IMMP2L: variants seen among roughly 807,000 people sequenced by gnomAD.
IMMP2L encodes the protein mitochondrial inner membrane protease subunit 2.
A neutral mutation model predicts 19.3 loss-of-function variants in IMMP2L; 18 were observed. The observed-to-expected ratio is 0.93, with a 90% confidence interval of 0.64 to 1.38. The LOEUF (loss-of-function observed/expected upper bound fraction) is 1.38. IMMP2L is among the 40% of genes most tolerant of loss of function. The pLI, the probability that IMMP2L is intolerant of heterozygous loss-of-function variation, is 0.00. For missense variants in IMMP2L, 233 were observed against 218.2 expected, an observed-to-expected ratio of 1.07 and a Z score of -0.43; for synonymous variants, 76 against 73.0, an observed-to-expected ratio of 1.04 and a Z score of -0.21.
intron 3 of IMMP2L, among the ~76,000 whole-genome samples, chr7:111,063,798 T>C (rs912332830): frequency 2.6e-5 from 4 of 152,112 alleles, no homozygotes; most frequent in South Asian, 2.1e-4. Context: ...TCCCAACAAG[T>C]TCCTCATCTC....
intron 3 of IMMP2L, among the ~76,000 whole-genome samples, chr7:111,204,274 A>G (rs2129616632): frequency 6.6e-6 from 1 of 152,250 alleles, no homozygotes; most frequent in Admixed American, 6.5e-5. Flanking sequence ...TACCTTTAAA[A>G]TGCAATTTGG....
chr7:110,819,086 G>A (rs1802799970), intron 5 of IMMP2L, among the ~76,000 whole-genome samples: 1 of 151,582 alleles, frequency 6.6e-6, no homozygotes, highest in Non-Finnish European at 1.5e-5. Flanking sequence ...TTGTGCATAT[G>A]TACCCTAAAA....
intron 3 of IMMP2L, among the ~76,000 whole-genome samples, chr7:111,291,415 C>T (rs1371201736): frequency 6.6e-6 from 1 of 152,136 alleles, no homozygotes; most frequent in Non-Finnish European, 1.5e-5. Flanking sequence ...CATTAAAATA[C>T]CTACCATCCA....
chr7:111,531,110 C>T (rs941174870), intron 1 of IMMP2L, among the ~76,000 whole-genome samples: 5 of 151,814 alleles, frequency 3.3e-5, no homozygotes, highest in African/African-American at 1.2e-4. Flanking sequence ...CACCACCACG[C>T]CCGGCTAATT....
intron 2 of IMMP2L, among the ~76,000 whole-genome samples, chr7:111,519,345 A>G (rs1051816364): frequency 6.6e-6 from 1 of 152,102 alleles, no homozygotes; most frequent in Non-Finnish European, 1.5e-5. Flanking sequence ...TTGTGTGTAT[A>G]TAATAAGCCT....
At chr7:111,414,723 A>G (rs778381914) in intron 3 of IMMP2L, among the ~76,000 whole-genome samples, 33 of 151,908 alleles carry the variant, frequency 2.2e-4, no homozygotes, top group Non-Finnish European at 3.8e-4. Flanking sequence ...ACATTAATGT[A>G]AGACTATCAT....
intron 3 of IMMP2L, among the ~76,000 whole-genome samples, chr7:111,002,759 C>T (rs527747589): frequency 6.6e-6 from 1 of 152,300 alleles, no homozygotes; most frequent in South Asian, 2.1e-4. Context: ...CATCCTGACT[C>T]TGGAAATCAT....
chr7:111,083,425 T>C (rs1246225040), intron 3 of IMMP2L, among the ~76,000 whole-genome samples: 1 of 152,190 alleles, frequency 6.6e-6, no homozygotes, highest in East Asian at 1.9e-4. Flanking sequence ...TATAGCTAAA[T>C]TGTTAGTCTT....
intron 3 of IMMP2L, among the ~76,000 whole-genome samples, chr7:111,152,167 T>C (rs910443627): frequency 1.3e-5 from 2 of 152,168 alleles, no homozygotes; most frequent in African/African-American, 4.8e-5. Flanking sequence ...GGTATTTTAC[T>C]AGACTCTTCA....
intron 5 of IMMP2L, among the ~76,000 whole-genome samples, chr7:110,878,625 G>C (rs901089968): frequency 6.6e-6 from 1 of 151,562 alleles, no homozygotes; most frequent in African/African-American, 2.4e-5. Context: ...ATTCACTGTT[G>C]TCAATAGAAT....
At chr7:110,732,325 G>A (rs773681606) in intron 5 of IMMP2L, among the ~76,000 whole-genome samples, 1 of 152,138 alleles carries the variant, frequency 6.6e-6, no homozygotes, top group Admixed American at 6.5e-5. Context: ...GTAATAGCTA[G>A]CTGCTTTCAA....
intron 3 of IMMP2L, among the ~76,000 whole-genome samples, chr7:111,206,933 A>C (rs903009297): frequency 1.3e-5 from 2 of 152,218 alleles, no homozygotes; most frequent in Admixed American, 1.3e-4. Context: ...ATTTCAAATA[A>C]GTGGATAAAA....
intron 5 of IMMP2L, among the ~76,000 whole-genome samples, chr7:110,676,817 T>C: frequency 6.6e-6 from 1 of 152,174 alleles, no homozygotes; most frequent in East Asian, 1.9e-4. Flanking sequence ...TTCCTGGTAC[T>C]GCACTGACAA....
At chr7:111,418,735 T>C (rs1835184058) in intron 3 of IMMP2L, among the ~76,000 whole-genome samples, 1 of 151,620 alleles carries the variant, frequency 6.6e-6, no homozygotes. Flanking sequence ...TTTAAGAAAA[T>C]AAAAAATACA....
chr7:111,542,604 A>G (rs532720357), intron 1 of IMMP2L, among the ~76,000 whole-genome samples: 7 of 152,202 alleles, frequency 4.6e-5, no homozygotes, highest in African/African-American at 1.7e-4. Flanking sequence ...CAACACTCCC[A>G]ATAAAACACA....
At chr7:111,127,047 C>A (rs1006244326) in intron 3 of IMMP2L, among the ~76,000 whole-genome samples, 25 of 152,184 alleles carry the variant, frequency 1.6e-4, no homozygotes, top group African/African-American at 5.5e-4. Flanking sequence ...TTAAGAATTT[C>A]TTAAAACAAG....
chr7:111,349,824 G>C (rs570250717), intron 3 of IMMP2L, among the ~76,000 whole-genome samples: 1 of 152,160 alleles, frequency 6.6e-6, no homozygotes, highest in African/African-American at 2.4e-5. Context: ...CTCTCCTATT[G>C]TCTCTCAGGA....
At chr7:110,828,157 A>G (rs73419222) in intron 5 of IMMP2L, among the ~76,000 whole-genome samples, 4 of 152,106 alleles carry the variant, frequency 2.6e-5, no homozygotes, top group African/African-American at 7.2e-5. Flanking sequence ...AGATGGTCTC[A>G]GAAAACTATT....
rs773779358 is a variant in IMMP2L, at chr7:111,521,351, C to A, written c.97G>T (p.Val33Phe). The change falls in exon 2 of 6, where the codon GTC becomes TTC. Residue 33 changes from valine (V) to phenylalanine (F), a missense_variant. Coordinates refer to ENST00000405709, the MANE Select transcript of IMMP2L (RefSeq NM_032549.4). Reference protein sequence around the residue: ...VPVAVTFLDRVACVARVEGAS... With the variant: ...VPVAVTFLDRFACVARVEGAS... ...CCTTCTACTCTTGCCACACAGGCGA[C>A]CCGATCCAAGAAAGTCACTGCCACA... 9 of 1,613,272 alleles carry A rather than the reference C, an allele frequency of 5.6e-6. No individual in the cohort carries two copies. The highest frequency in any genetic ancestry group is 1.7e-5 in the Admixed American group (1 of 59,950).
Sources: allele counts gnomAD v4.1 joint callset (sites outside exome capture counted in the v4.1 genomes callset), GRCh38; gene constraint gnomAD v4.1.1; transcripts MANE v1.5; gene names NCBI Gene and HGNC (gene_info 2026-07-23, HGNC 2026-07-21).